The following CDH12 variants were observed in gnomAD, a reference collection of about 807,000 sequenced individuals.
CDH12 encodes cadherin 12, also known as cadherin-12.
A neutral mutation model predicts 74.1 loss-of-function variants in CDH12; 41 were observed. The observed-to-expected ratio is 0.55, with a 90% confidence interval of 0.43 to 0.72. The LOEUF is 0.72. Among genes scored for constraint, CDH12 ranks in the 30% least tolerant of loss-of-function variants. The pLI, the probability that CDH12 is intolerant of heterozygous loss-of-function variation, is 0.00. For synonymous variants in CDH12, 399 were observed against 355.0 expected (o/e 1.12, Z -1.39); for missense variants, 945 against 977.2 (o/e 0.97, Z 0.44).
chr5:22,460,976 C>T (rs1177884475), intron 2 of CDH12, among the ~76,000 whole-genome samples: 1 of 150,106 alleles, frequency 6.7e-6, no homozygotes, highest in Non-Finnish European at 1.5e-5. Context: ...CTGCCTCGGC[C>T]TCCCAAAGTG....
chr5:22,087,767 A>T (rs1355777382), intron 4 of CDH12, among the ~76,000 whole-genome samples: 1 of 152,230 alleles, frequency 6.6e-6, no homozygotes, highest in Non-Finnish European at 1.5e-5. Context: ...GTGTTGAAGA[A>T]GGATAACTGT....
intron 3 of CDH12, among the ~76,000 whole-genome samples, chr5:22,364,081 C>T (rs1740932921): frequency 6.6e-6 from 1 of 152,120 alleles, no homozygotes; most frequent in African/African-American, 2.4e-5. Context: ...CACCAAGAGA[C>T]ACATCTGTGG....
intron 3 of CDH12, among the ~76,000 whole-genome samples, chr5:22,291,231 G>T (rs1187285412): frequency 1.3e-5 from 2 of 151,984 alleles, no homozygotes; most frequent in Non-Finnish European, 2.9e-5. Context: ...ACATAATAAA[G>T]ACTGTATATG....
At chr5:22,837,066 A>G (rs769325987) in intron 1 of CDH12, among the ~76,000 whole-genome samples, 7 of 152,218 alleles carry the variant, frequency 4.6e-5, no homozygotes, top group Non-Finnish European at 7.3e-5. Flanking sequence ...GACCTAATAT[A>G]TAAATGAAAG....
At chr5:22,105,695 T>TAAA (rs1269744270) in intron 4 of CDH12, among the ~76,000 whole-genome samples, 6 of 148,810 alleles carry the variant, frequency 4.0e-5, no homozygotes, top group African/African-American at 1.5e-4. Context: ...AATATTCTGT[T>TAAA]AAAAAATAAA....
At chr5:22,021,599 A>G (rs1410286396) in intron 5 of CDH12, among the ~76,000 whole-genome samples, 2 of 152,190 alleles carry the variant, frequency 1.3e-5, no homozygotes, top group Non-Finnish European at 2.9e-5. Flanking sequence ...TCGTACAACC[A>G]TTTTGCTATT....
At chr5:22,666,969 C>T (rs1740655940) in intron 1 of CDH12, among the ~76,000 whole-genome samples, 1 of 152,036 alleles carries the variant, frequency 6.6e-6, no homozygotes, top group Admixed American at 6.6e-5. Context: ...GAACTTCTAC[C>T]CCAATTTGCG....
intron 1 of CDH12, among the ~76,000 whole-genome samples, chr5:22,687,149 C>G (rs898028733): frequency 6.6e-6 from 1 of 152,062 alleles, no homozygotes; most frequent in East Asian, 1.9e-4. Flanking sequence ...CAAAAATTAG[C>G]TGGGCATGAT....
intron 4 of CDH12, among the ~76,000 whole-genome samples, chr5:22,147,763 C>T (rs1561161335): frequency 2.0e-5 from 3 of 152,080 alleles, no homozygotes; most frequent in Admixed American, 6.6e-5. Flanking sequence ...GACTTATTCA[C>T]TACCACAAGA....
At chr5:22,783,608 C>T (rs1455271994) in intron 1 of CDH12, among the ~76,000 whole-genome samples, 1 of 151,980 alleles carries the variant, frequency 6.6e-6, no homozygotes, top group Non-Finnish European at 1.5e-5. Flanking sequence ...ATTTTAAGCT[C>T]AAAATGATTG....
intron 1 of CDH12, among the ~76,000 whole-genome samples, chr5:22,684,399 TAA>T (rs1271795617): frequency 3.3e-5 from 5 of 152,170 alleles, no homozygotes; most frequent in Admixed American, 2.0e-4. Context: ...CAAATTTAAT[TAA>T]AAAGCAGCTT....
Position 21,962,716 on chromosome 5 carries a change from C to T in CDH12, c.526+12375G>A, listed in dbSNP as rs529431984. On this transcript the variant is annotated intron_variant, in intron 6 of 14. Coordinates refer to ENST00000382254, the MANE Select transcript of CDH12 (RefSeq NM_004061.5). ...CCTTTTGATCTGCCATGCCTGGTTT[C>T]ATTATTTGTTAAGGAAAATCTCTTT... 9.2e-5 allele frequency among the ~76,000 whole-genome samples: 14 copies of T among 152,162 alleles called. No homozygotes were observed. In the South Asian group the frequency reaches 2.9e-3, roughly 32 times the overall value.
At chr5:22,580,396 G>A (rs1374745913) in intron 1 of CDH12, 1 of 491,936 alleles carries the variant, frequency 2.0e-6, no homozygotes, top group Middle Eastern at 3.3e-4. Flanking sequence ...CCATCGTAGG[G>A]TGGGTAGGGA....
chr5:22,264,714 C>T (rs921650881), intron 3 of CDH12, among the ~76,000 whole-genome samples: 1 of 152,126 alleles, frequency 6.6e-6, no homozygotes. Context: ...CTATTAGAGA[C>T]ACAATTACAG....
intron 8 of CDH12, 107 bp from the exon 9 acceptor site, chr5:21,817,239 C>G (rs941985962): frequency 1.5e-6 from 1 of 667,832 alleles, no homozygotes; most frequent in Middle Eastern, 2.7e-4. Context: ...ACATTTAGAA[C>G]ATTATAGTGC....
chr5:22,539,200 C>A (rs986182336), intron 1 of CDH12, among the ~76,000 whole-genome samples: 8 of 152,104 alleles, frequency 5.3e-5, no homozygotes, highest in African/African-American at 9.7e-5. Context: ...AAAGTGTCTG[C>A]AAATAATATC....
intron 3 of CDH12, among the ~76,000 whole-genome samples, chr5:22,246,865 T>A (rs539580133): frequency 5.6e-4 from 85 of 152,316 alleles, no homozygotes; most frequent in African/African-American, 1.9e-3. Context: ...ACTTATCTAT[T>A]CTTAAGCCTT....
intron 1 of CDH12, among the ~76,000 whole-genome samples, chr5:22,528,368 C>T (rs116422130): frequency 2.0e-4 from 31 of 152,182 alleles, no homozygotes; most frequent in African/African-American, 7.5e-4. Flanking sequence ...TGAGCTTCAT[C>T]AATACTCTCC....
At chr5:22,679,936 A>T (rs1423993960) in intron 1 of CDH12, among the ~76,000 whole-genome samples, 1 of 152,120 alleles carries the variant, frequency 6.6e-6, no homozygotes, top group East Asian at 1.9e-4. Context: ...ACCAGATCAC[A>T]TGTCTGTACA....
Sources: allele counts gnomAD v4.1 joint callset (sites outside exome capture counted in the v4.1 genomes callset), GRCh38; gene constraint gnomAD v4.1.1; transcripts MANE v1.5; gene names NCBI Gene and HGNC (gene_info 2026-07-23, HGNC 2026-07-21).